The following SLC39A10 variants were observed in gnomAD, a reference collection of about 807,000 sequenced individuals.
The protein encoded by SLC39A10 is zinc transporter ZIP10.
A neutral mutation model predicts 65.1 loss-of-function variants in SLC39A10; 13 were observed. That is an observed-to-expected ratio of 0.20 (90% confidence interval 0.13 to 0.32). The LOEUF (loss-of-function observed/expected upper bound fraction) is 0.32, where lower values mean the gene tolerates loss of function less well. SLC39A10 is among the 10% of genes least tolerant of loss of function. The pLI, the probability that SLC39A10 is intolerant of heterozygous loss-of-function variation, is 1.00. For missense variants in SLC39A10, 831 were observed against 1,018.4 expected, an observed-to-expected ratio of 0.82 and a Z score of 2.50; for synonymous variants, 321 against 342.2, an observed-to-expected ratio of 0.94 and a Z score of 0.68.
intron 8 of SLC39A10, among the ~76,000 whole-genome samples, chr2:195,721,308 TC>T (rs1191678293): frequency 6.6e-6 from 1 of 152,182 alleles, no homozygotes; most frequent in African/African-American, 2.4e-5. Flanking sequence ...CTGCAGTACA[TC>T]CTGTTACATG....
chr2:195,615,667 C>T (rs1461968387), intron 2 of SLC39A10, among the ~76,000 whole-genome samples: 1 of 152,152 alleles, frequency 6.6e-6, no homozygotes, highest in Non-Finnish European at 1.5e-5. Flanking sequence ...CATTCACTTA[C>T]AGACATTACT....
chr2:195,715,781 T>C (rs757140618), intron 6 of SLC39A10, among the ~76,000 whole-genome samples: 5 of 152,336 alleles, frequency 3.3e-5, no homozygotes, highest in South Asian at 2.1e-4. Flanking sequence ...GAAAAACTTA[T>C]CTATTTGTGT....
intron 2 of SLC39A10, among the ~76,000 whole-genome samples, chr2:195,632,598 A>G (rs535647967): frequency 6.6e-6 from 1 of 152,210 alleles, no homozygotes; most frequent in South Asian, 2.1e-4. Flanking sequence ...ATGAGCCACC[A>G]CACCTGGCTC....
intron 2 of SLC39A10, among the ~76,000 whole-genome samples, chr2:195,643,637 T>C (rs1688853044): frequency 1.3e-5 from 2 of 152,202 alleles, no homozygotes; most frequent in Admixed American, 6.5e-5. Context: ...CTGCAGTAGT[T>C]TGGGGTTGGA....
chr2:195,714,774 A>G (rs1413527568), intron 6 of SLC39A10, among the ~76,000 whole-genome samples: 1 of 151,840 alleles, frequency 6.6e-6, no homozygotes, highest in Non-Finnish European at 1.5e-5. Context: ...TTTTTTTGAG[A>G]CGGAGTTTCA....
chr2:195,655,818 C>CA, upstream of SLC39A10, among the ~76,000 whole-genome samples: 1 of 152,316 alleles, frequency 6.6e-6, no homozygotes, highest in African/African-American at 2.4e-5. Flanking sequence ...GTATGGCAAT[C>CA]AGTAGGCATT....
chr2:195,690,085 G>A (rs1158421157), intron 3 of SLC39A10, among the ~76,000 whole-genome samples: 1 of 141,194 alleles, frequency 7.1e-6, no homozygotes, highest in Non-Finnish European at 1.5e-5. Context: ...GTTGAGGCAG[G>A]AGAATTGTTT....
At chr2:195,688,767 T>G (rs936405181) in intron 3 of SLC39A10, among the ~76,000 whole-genome samples, 2 of 152,220 alleles carry the variant, frequency 1.3e-5, no homozygotes, top group African/African-American at 4.8e-5. Flanking sequence ...GTGTGTTACA[T>G]GCAAAATAAA....
At chr2:195,701,252 A>G (rs1298829472) in intron 3 of SLC39A10, among the ~76,000 whole-genome samples, 4 of 151,110 alleles carry the variant, frequency 2.6e-5, no homozygotes, top group Admixed American at 6.6e-5. Flanking sequence ...TGTACTTCGC[A>G]GTTCCAGAGT....
At chr2:195,716,530 A>G in intron 6 of SLC39A10, 107 bp from the exon 7 acceptor site, 1 of 862,904 alleles carries the variant, frequency 1.2e-6, no homozygotes, top group South Asian at 2.7e-5. Context: ...TAAGAATTCT[A>G]AAAGACATTC....
At chr2:195,702,787 C>T (rs1004941794) in intron 3 of SLC39A10, among the ~76,000 whole-genome samples, 21 of 152,180 alleles carry the variant, frequency 1.4e-4, no homozygotes, top group Admixed American at 8.5e-4. Flanking sequence ...ACCAGTTGAG[C>T]GGAAAGTTTG....
chr2:195,637,637 G>A (rs2105702394), intron 2 of SLC39A10, among the ~76,000 whole-genome samples: 1 of 152,342 alleles, frequency 6.6e-6, no homozygotes, highest in South Asian at 2.1e-4. Context: ...GAAGAATAGA[G>A]AAGTTATAAT....
chr2:195,696,686 A>G (rs1690975313), intron 3 of SLC39A10, among the ~76,000 whole-genome samples: 1 of 152,092 alleles, frequency 6.6e-6, no homozygotes, highest in Non-Finnish European at 1.5e-5. Flanking sequence ...CTAGTAGCCT[A>G]CTGTTGACCA....
At chr2:195,640,150 C>A (rs1688775237) in intron 2 of SLC39A10, among the ~76,000 whole-genome samples, 1 of 152,022 alleles carries the variant, frequency 6.6e-6, no homozygotes, top group African/African-American at 2.4e-5. Flanking sequence ...GAGTGGTAAA[C>A]ACAGCATAAC....
At chr2:195,713,334 C>A in intron 5 of SLC39A10, 99 bp from the exon 6 acceptor site, 1 of 965,074 alleles carries the variant, frequency 1.0e-6, no homozygotes, top group Non-Finnish European at 1.4e-6. Flanking sequence ...ATAAAGTTAA[C>A]ACCATTTTTA....
At chr2:195,731,771 C>T (rs1313788761) in intron 9 of SLC39A10, among the ~76,000 whole-genome samples, 1 of 152,088 alleles carries the variant, frequency 6.6e-6, no homozygotes, top group Non-Finnish European at 1.5e-5. Context: ...AAAATCCGAG[C>T]TGAGTCCTAA....
At chr2:195,688,710 TC>T (rs1267726654) in intron 3 of SLC39A10, among the ~76,000 whole-genome samples, 5 of 152,218 alleles carry the variant, frequency 3.3e-5, no homozygotes, top group Non-Finnish European at 7.4e-5. Context: ...AAAAGGGAAA[TC>T]TAGCTTTTTA....
At position 195,650,421 on chromosome 2, in the gene SLC39A10, T is replaced by C. The variant is rs1689008850; in HGVS notation, c.-11-29611T>C. On this transcript the variant is annotated intron_variant, in intron 2 of 2. Transcript: ENST00000458054. ...TTTTGCTTTTGTTCATTCTTCTGAG[T>C]AGGTCTTTCTCTTTCTCTTGAGCCT... 1.3e-5 allele frequency among the ~76,000 whole-genome samples: 2 copies of C among 152,308 alleles called. 1 individual carries two copies. Among genetic ancestry groups the C allele is most frequent in the Middle Eastern group, 6.8e-3 (2 of 294 alleles).
chr2:195,690,577 G>A (rs1202040919), intron 3 of SLC39A10, among the ~76,000 whole-genome samples: 19 of 152,116 alleles, frequency 1.2e-4, no homozygotes, highest in Admixed American at 1.2e-3. Flanking sequence ...ATGGTGTGAG[G>A]TGGTATCTCA....
Sources: gnomAD v4.1 joint callset for allele counts (sites outside exome capture counted in the v4.1 genomes callset) on GRCh38, gnomAD v4.1.1 for gene constraint, MANE v1.5 for transcripts, NCBI Gene and HGNC (gene_info 2026-07-23, HGNC 2026-07-21) for gene names.